ITGA8: variants seen among roughly 807,000 people sequenced by gnomAD.
The protein encoded by ITGA8 is integrin alpha-8.
Under a neutral mutation model 142.3 loss-of-function variants are expected in ITGA8, and 91 were observed. That is an observed-to-expected ratio of 0.64 (90% CI 0.54 to 0.76). ITGA8 has a LOEUF of 0.76. Ranked by LOEUF, ITGA8 falls within the 30% of genes least tolerant of loss-of-function variation. The pLI, the probability that ITGA8 is intolerant of heterozygous loss-of-function variation, is 0.00. For missense variants in ITGA8, 1,406 were observed against 1,327.7 expected, an observed-to-expected ratio of 1.06 and a Z score of -0.92; for synonymous variants, 505 against 485.2, an observed-to-expected ratio of 1.04 and a Z score of -0.54.
intron 5 of ITGA8, 76 bp from the exon 6 acceptor site, chr10:15,677,713 T>C (rs1480153744): frequency 1.4e-6 from 2 of 1,428,434 alleles, no homozygotes; most frequent in Non-Finnish European, 2.0e-6. Flanking sequence ...GATAAATTGT[T>C]GTTAATAAGC....
chr10:15,579,566 G>A (rs1483466664), intron 23 of ITGA8, among the ~76,000 whole-genome samples: 1 of 151,914 alleles, frequency 6.6e-6, no homozygotes, highest in Non-Finnish European at 1.5e-5. Flanking sequence ...CTTAAAGAAG[G>A]AGACAAAAGT....
intron 28 of ITGA8, among the ~76,000 whole-genome samples, chr10:15,526,423 AC>A (rs1368060751): frequency 2.0e-5 from 3 of 152,034 alleles, no homozygotes; most frequent in Non-Finnish European, 4.4e-5. Context: ...TGATCCACCC[AC>A]CTCGGCCTCC....
At chr10:15,719,495 G>C in intron 1 of ITGA8, 68 bp downstream of exon 1, 1 of 1,407,956 alleles carries the variant, frequency 7.1e-7, no homozygotes, top group Non-Finnish European at 9.3e-7. Context: ...CTCCGCGGCA[G>C]AGCCGCTGGG....
At chr10:15,547,056 G>T (rs79185076) in intron 27 of ITGA8, among the ~76,000 whole-genome samples, 1 of 151,754 alleles carries the variant, frequency 6.6e-6, no homozygotes, top group African/African-American at 2.4e-5. Context: ...AGACTCAAAG[G>T]GATTTGACCC....
intron 12 of ITGA8, among the ~76,000 whole-genome samples, 195 bp from the exon 13 acceptor site, chr10:15,644,416 T>C (rs1333005999): frequency 8.1e-6 from 1 of 123,992 alleles, no homozygotes; most frequent in East Asian, 2.5e-4. Flanking sequence ...TACAGGTGCA[T>C]ACCACCATGT....
At chr10:15,660,850 T>C in intron 9 of ITGA8, 29 bp downstream of exon 9, 1 of 1,584,158 alleles carries the variant, frequency 6.3e-7, no homozygotes, top group Non-Finnish European at 8.7e-7. Flanking sequence ...GAAAATACCC[T>C]ATTCCTGTAA....
chr10:15,571,644 C>T (rs1276398481), intron 25 of ITGA8, among the ~76,000 whole-genome samples: 1 of 152,174 alleles, frequency 6.6e-6, no homozygotes, highest in Admixed American at 6.5e-5. Flanking sequence ...CCAACCCCAG[C>T]CCCTGCATTT....
intron 4 of ITGA8, 151 bp downstream of exon 4, chr10:15,683,853 T>C (rs1386155360): frequency 2.7e-6 from 2 of 738,012 alleles, no homozygotes; most frequent in Non-Finnish European, 4.4e-6. Flanking sequence ...TCAAGACACC[T>C]GTAAGGCTGA....
At chr10:15,671,200 G>C (rs1834509906) in intron 8 of ITGA8, among the ~76,000 whole-genome samples, 2 of 152,166 alleles carry the variant, frequency 1.3e-5, no homozygotes, top group African/African-American at 2.4e-5. Flanking sequence ...GAAAAAGCAA[G>C]TAAGGTTGGG....
chr10:15,574,383 T>C (rs969123762), intron 24 of ITGA8, among the ~76,000 whole-genome samples: 2 of 152,226 alleles, frequency 1.3e-5, no homozygotes, highest in South Asian at 4.1e-4. Context: ...CCATCTCATA[T>C]ATTATATGTG....
chr10:15,596,992 G>C (rs1358372544), intron 21 of ITGA8: 17 of 546,970 alleles, frequency 3.1e-5, no homozygotes, highest in Non-Finnish European at 5.2e-5. Flanking sequence ...TAAAGAGAAA[G>C]CATAGAAGAG....
intron 2 of ITGA8, among the ~76,000 whole-genome samples, chr10:15,708,286 C>T (rs1468191113): frequency 6.6e-6 from 1 of 151,964 alleles, no homozygotes; most frequent in Non-Finnish European, 1.5e-5. Flanking sequence ...ACCTGAGGAA[C>T]CAGAGTGAAA....
chr10:15,532,750 G>GA (rs1273522656), intron 27 of ITGA8, among the ~76,000 whole-genome samples: 1 of 102,578 alleles, frequency 9.7e-6, no homozygotes, highest in Non-Finnish European at 2.7e-5. Flanking sequence ...ATCATTTCAA[G>GA]ACTTTTGGGT....
intron 26 of ITGA8, among the ~76,000 whole-genome samples, chr10:15,553,772 A>T (rs1357204253): frequency 6.6e-6 from 1 of 152,160 alleles, no homozygotes; most frequent in Non-Finnish European, 1.5e-5. Flanking sequence ...AGGCTGAGGC[A>T]GGTGGATCAG....
chr10:15,640,490 GT>G (rs1326610681), intron 13 of ITGA8, among the ~76,000 whole-genome samples: 1 of 152,208 alleles, frequency 6.6e-6, no homozygotes, highest in Non-Finnish European at 1.5e-5. Flanking sequence ...AAAAGCACTG[GT>G]TTGGAAAAAT....
chr10:15,544,980 G>A (rs1478814149), intron 27 of ITGA8, among the ~76,000 whole-genome samples: 2 of 152,160 alleles, frequency 1.3e-5, no homozygotes, highest in African/African-American at 4.8e-5. Flanking sequence ...CAAGCCTTCA[G>A]ATGACTACAG....
intron 8 of ITGA8, among the ~76,000 whole-genome samples, chr10:15,662,578 A>G (rs931105438): frequency 8.6e-5 from 13 of 152,028 alleles, no homozygotes; most frequent in African/African-American, 3.1e-4. Flanking sequence ...GGTTCAAGCC[A>G]TCCACCTGCT....
chr10:15,648,821 G>T (rs558954692), intron 11 of ITGA8, among the ~76,000 whole-genome samples: 1 of 152,256 alleles, frequency 6.6e-6, no homozygotes, highest in South Asian at 2.1e-4. Context: ...TACTTCCTAT[G>T]TTTAAGGTAC....
At chr10:15,631,795 C>G (rs1175269704) in intron 13 of ITGA8, among the ~76,000 whole-genome samples, 1 of 151,072 alleles carries the variant, frequency 6.6e-6, no homozygotes, top group South Asian at 2.1e-4. Flanking sequence ...CCCCACCCCC[C>G]CCAAAAAAAG....
Sources: gnomAD v4.1 joint callset for allele counts (sites outside exome capture counted in the v4.1 genomes callset) on GRCh38, gnomAD v4.1.1 for gene constraint, MANE v1.5 for transcripts, NCBI Gene and HGNC (gene_info 2026-07-23, HGNC 2026-07-21) for gene names.